HDAC4: variants seen among roughly 807,000 people sequenced by gnomAD.
The protein encoded by HDAC4 is histone deacetylase 4.
In HDAC4, 16 loss-of-function variants were observed where a neutral mutation model predicts 135.1. That is an observed-to-expected ratio of 0.12 (90% CI 0.08 to 0.18). The LOEUF is 0.18. Among genes scored for constraint, HDAC4 ranks in the 10% least tolerant of loss-of-function variants. The probability of loss-of-function intolerance (pLI) is 1.00; values close to 1 mark genes in which losing one functional copy is unlikely to be tolerated. For synonymous variants in HDAC4, 685 were observed against 653.4 expected (o/e 1.05, Z -0.74); for missense variants, 1,143 against 1,511.8 (o/e 0.76, Z 4.05).
At chr2:239,297,648 T>A (rs556795067) in intron 2 of HDAC4, among the ~76,000 whole-genome samples, 1 of 152,244 alleles carries the variant, frequency 6.6e-6, no homozygotes, top group African/African-American at 2.4e-5. Context: ...CAGGCCCCAA[T>A]GGTAGCGCCC....
At chr2:239,154,394 G>T (rs1341485189) in intron 7 of HDAC4, among the ~76,000 whole-genome samples, 2 of 152,158 alleles carry the variant, frequency 1.3e-5, no homozygotes, top group Non-Finnish European at 2.9e-5. Flanking sequence ...TGCTGATGAG[G>T]AAATGGAGGC....
intron 7 of HDAC4, among the ~76,000 whole-genome samples, chr2:239,149,623 C>T (rs1351712794): frequency 1.3e-5 from 2 of 152,204 alleles, no homozygotes; most frequent in Admixed American, 6.5e-5. Flanking sequence ...CACAGGGTGG[C>T]TCTGAAGACA....
chr2:239,211,326 T>C (rs2046345322), intron 3 of HDAC4, among the ~76,000 whole-genome samples: 1 of 152,186 alleles, frequency 6.6e-6, no homozygotes, highest in Non-Finnish European at 1.5e-5. Flanking sequence ...TCCAGAATGC[T>C]GGAAAGAATT....
chr2:239,191,333 C>T (rs1200114885), intron 3 of HDAC4, among the ~76,000 whole-genome samples: 1 of 152,238 alleles, frequency 6.6e-6, no homozygotes, highest in East Asian at 1.9e-4. Flanking sequence ...TGACACTCAG[C>T]CCGTCTCTGG....
intron 2 of HDAC4, among the ~76,000 whole-genome samples, chr2:239,350,175 A>G (rs1383386938): frequency 6.6e-6 from 1 of 152,198 alleles, no homozygotes; most frequent in East Asian, 1.9e-4. Context: ...ATGAAACACT[A>G]TAAGCTCTCG....
At chr2:239,176,709 T>C (rs1450168167) in intron 4 of HDAC4, 146 bp from the exon 5 acceptor site, 1 of 678,004 alleles carries the variant, frequency 1.5e-6, no homozygotes. Flanking sequence ...ACTGCTGCTA[T>C]TTCAGTCCAA....
chr2:239,316,467 G>A (rs987418793), intron 2 of HDAC4, among the ~76,000 whole-genome samples: 2 of 152,146 alleles, frequency 1.3e-5, no homozygotes, highest in South Asian at 4.1e-4. Context: ...AATTACCTAG[G>A]CATGGTAGCA....
At chr2:239,155,745 G>A (rs1015677847) in intron 7 of HDAC4, among the ~76,000 whole-genome samples, 4 of 152,172 alleles carry the variant, frequency 2.6e-5, no homozygotes, top group East Asian at 1.9e-4. Flanking sequence ...AAAAAAAAGC[G>A]GTGCCCCTAG....
Position 239,329,976 on chromosome 2 carries a change from T to C in HDAC4, c.22+22702A>G, listed in dbSNP as rs149583263. Among the ~76,000 whole-genome samples, 253 of 152,108 alleles carry C rather than the reference T, an allele frequency of 1.7e-3. 2 individuals are homozygous for C. Among genetic ancestry groups the C allele is most frequent in the African/African-American group, 5.8e-3 (241 of 41,524 alleles). On this transcript the variant is annotated intron_variant, in intron 2 of 26. Transcript: ENST00000543185. ...GGGGGAGCAAGGAGGAGGGGTGTCC[T>C]GGTGGGAGGAGGGGTGTGCAGAAAG...
intron 2 of HDAC4, among the ~76,000 whole-genome samples, chr2:239,286,937 A>G (rs983737458): frequency 6.6e-6 from 1 of 152,172 alleles, no homozygotes; most frequent in Admixed American, 6.5e-5. Flanking sequence ...CAGGTCTACT[A>G]AAGCTACTCC....
intron 15 of HDAC4, 133 bp from the exon 16 acceptor site, chr2:239,103,029 GT>G: frequency 9.2e-7 from 1 of 1,083,200 alleles, no homozygotes; most frequent in Non-Finnish European, 1.4e-6. Context: ...ATGTTATTTG[GT>G]TACTGCAAAA....
intron 2 of HDAC4, among the ~76,000 whole-genome samples, chr2:239,277,483 T>C (rs2050436447): frequency 6.6e-6 from 1 of 152,220 alleles, no homozygotes; most frequent in Admixed American, 6.5e-5. Flanking sequence ...TTATGGTCTC[T>C]GCGCTGTTGG....
chr2:239,133,472 T>C (rs1241514950), intron 11 of HDAC4, among the ~76,000 whole-genome samples: 1 of 152,146 alleles, frequency 6.6e-6, no homozygotes, highest in Non-Finnish European at 1.5e-5. Context: ...TGCTCCCTCA[T>C]TTATTTATTT....
chr2:239,375,678 CGCA>C (rs1694955191), intron 1 of HDAC4, among the ~76,000 whole-genome samples: 1 of 152,200 alleles, frequency 6.6e-6, no homozygotes, highest in African/African-American at 2.4e-5. Context: ...GCTCCAGTGG[CGCA>C]GCAGAAGGGC....
chr2:239,269,668 G>C (rs2049953131), intron 2 of HDAC4, among the ~76,000 whole-genome samples: 1 of 152,210 alleles, frequency 6.6e-6, no homozygotes, highest in Non-Finnish European at 1.5e-5. Context: ...CAAATATCAA[G>C]TACTGGTCAC....
intron 24 of HDAC4, among the ~76,000 whole-genome samples, chr2:239,058,342 C>G (rs60055463): frequency 0.045 from 6,789 of 152,294 alleles, 518 homozygotes; most frequent in African/African-American, 0.15. Flanking sequence ...GCCACAGAAA[C>G]TGGGGACAAA....
intron 12 of HDAC4, among the ~76,000 whole-genome samples, chr2:239,120,392 GACGCACACAGACAC>G (rs2039546260): frequency 6.7e-6 from 1 of 148,528 alleles, no homozygotes; most frequent in Non-Finnish European, 1.5e-5. Context: ...GGCACACACA[GACGCACACAGACAC>G]ACACACACAG....
chr2:239,059,887 A>T (rs935699039), intron 24 of HDAC4, among the ~76,000 whole-genome samples: 27 of 152,090 alleles, frequency 1.8e-4, no homozygotes, highest in African/African-American at 6.5e-4. Flanking sequence ...CCTGCAGGAC[A>T]GTCCTCTGGG....
At chr2:239,226,548 C>A (rs889851715) in intron 3 of HDAC4, among the ~76,000 whole-genome samples, 1 of 152,212 alleles carries the variant, frequency 6.6e-6, no homozygotes, top group African/African-American at 2.4e-5. Flanking sequence ...CAATTCTCCA[C>A]GACGCCCCAA....
Sources: allele counts gnomAD v4.1 joint callset (sites outside exome capture counted in the v4.1 genomes callset), GRCh38; gene constraint gnomAD v4.1.1; transcripts MANE v1.5; gene names NCBI Gene and HGNC (gene_info 2026-07-23, HGNC 2026-07-21).